Variants in TCEA1 observed in about 807,000 individuals in gnomAD.
The protein encoded by TCEA1 is transcription elongation factor A1.
Under a neutral mutation model 43.8 loss-of-function variants are expected in TCEA1, and 21 were observed. That is an observed-to-expected ratio of 0.48 (90% CI 0.34 to 0.69). The LOEUF (loss-of-function observed/expected upper bound fraction) is 0.69. Ranked by LOEUF, TCEA1 falls within the 30% of genes least tolerant of loss-of-function variation. The pLI, the probability that TCEA1 is intolerant of heterozygous loss-of-function variation, is 0.01. For missense variants in TCEA1, 250 were observed against 365.1 expected, an observed-to-expected ratio of 0.68 and a Z score of 2.57; for synonymous variants, 104 against 117.5, an observed-to-expected ratio of 0.88 and a Z score of 0.75.
chr8:53,982,480 C>T (rs1585998306), intron 7 of TCEA1, among the ~76,000 whole-genome samples: 1 of 151,726 alleles, frequency 6.6e-6, no homozygotes, highest in Non-Finnish European at 1.5e-5. Context: ...TGGTGGCGGG[C>T]GCCTGTAATC....
intron 8 of TCEA1, among the ~76,000 whole-genome samples, 178 bp from the exon 9 acceptor site, chr8:53,970,641 C>T (rs1229519712): frequency 6.6e-6 from 1 of 152,106 alleles, no homozygotes; most frequent in African/African-American, 2.4e-5. Context: ...CACTTCCAAA[C>T]TTCATTTTCC....
At chr8:53,977,359 T>C (rs1055764181) in intron 8 of TCEA1, among the ~76,000 whole-genome samples, 4 of 152,116 alleles carry the variant, frequency 2.6e-5, no homozygotes, top group African/African-American at 7.2e-5. Flanking sequence ...TGTATACACA[T>C]AAAATACCTA....
At chr8:54,013,961 T>C (rs1804739874) in intron 1 of TCEA1, among the ~76,000 whole-genome samples, 1 of 152,134 alleles carries the variant, frequency 6.6e-6, no homozygotes, top group African/African-American at 2.4e-5. Context: ...AAAGGTAAGA[T>C]CTACTCCAGT....
Position 54,012,765 on chromosome 8 carries a change from C to T in TCEA1, c.64-2273G>A, listed in dbSNP as rs114156414. On this transcript the variant is annotated intron_variant, in intron 1 of 9. Coordinates refer to ENST00000521604, the MANE Select transcript of TCEA1 (RefSeq NM_006756.4). ...AGTCTGGACAACACAGCATGACCCC[C>T]TCTCTACAAAAAATAAAGATAAAAA... Among the ~76,000 whole-genome samples, 1,155 of 151,960 alleles carry T rather than the reference C, an allele frequency of 7.6e-3. 15 individuals carry two copies. The highest frequency in any genetic ancestry group is 0.026 in the African/African-American group (1,068 of 41,442).
At chr8:54,002,749 T>C (rs576100787) in intron 2 of TCEA1, 6 of 369,244 alleles carry the variant, frequency 1.6e-5, no homozygotes, top group Non-Finnish European at 2.7e-5. Context: ...TTAGGAATTG[T>C]GGGATTATAA....
intron 5 of TCEA1, 148 bp from the exon 6 acceptor site, chr8:53,987,173 A>C: frequency 1.4e-6 from 1 of 694,888 alleles, no homozygotes; most frequent in Non-Finnish European, 2.5e-6. Context: ...GAATCTGATC[A>C]CTTCACTGCC....
At chr8:54,000,734 C>A (rs1804227802) in intron 2 of TCEA1, among the ~76,000 whole-genome samples, 2 of 151,870 alleles carry the variant, frequency 1.3e-5, no homozygotes, top group African/African-American at 4.8e-5. Flanking sequence ...CAGCATCACA[C>A]CATTACCAAC....
At chr8:54,005,147 T>A (rs1365900412) in intron 2 of TCEA1, among the ~76,000 whole-genome samples, 2 of 152,228 alleles carry the variant, frequency 1.3e-5, no homozygotes, top group Admixed American at 1.3e-4. Flanking sequence ...CCCTTTTTCC[T>A]AGGGGATCTA....
intron 8 of TCEA1, among the ~76,000 whole-genome samples, chr8:53,975,414 T>C (rs1451521437): frequency 6.6e-6 from 1 of 152,156 alleles, no homozygotes; most frequent in Non-Finnish European, 1.5e-5. Context: ...AGAAAGGAAG[T>C]AGAGTCTCAA....
chr8:53,983,064 A>T (rs1000139827), intron 7 of TCEA1, among the ~76,000 whole-genome samples: 15 of 152,164 alleles, frequency 9.9e-5, no homozygotes, highest in African/African-American at 2.9e-4. Flanking sequence ...CCACTACCCT[A>T]ATCAGTCAGC....
At position 53,971,682 on chromosome 8, in the gene TCEA1, T is replaced by C. The variant is rs1361268165; in HGVS notation, c.826-1219A>G. On this transcript the variant is annotated intron_variant, in intron 8 of 9. Transcript: ENST00000521604. ...CATTAACCATAGCACTGCAGAGTAC[T>C]TGAAACGTTTTTATGACCTTTCAGA... is the stretch of plus-strand genomic sequence containing the variant. 4.5e-5 allele frequency: 9 copies of C among 198,404 alleles called. No homozygotes were observed. In the South Asian group the frequency reaches 5.0e-4, roughly 11 times the overall value. 12.3% of individuals were successfully genotyped at this position (198,404 alleles called of 1,614,324 possible).
chr8:54,012,271 A>G (rs1804675393), intron 1 of TCEA1, among the ~76,000 whole-genome samples: 1 of 152,224 alleles, frequency 6.6e-6, no homozygotes, highest in Admixed American at 6.5e-5. Context: ...CTGACTACAG[A>G]AATGTTAAGG....
chr8:54,003,238 T>C (rs1207773991), intron 2 of TCEA1: 6 of 365,464 alleles, frequency 1.6e-5, no homozygotes, highest in Non-Finnish European at 3.2e-5. Context: ...AACAAAATTT[T>C]TAAATCTCAT....
chr8:53,968,272 G>T (rs1326841101), intron 9 of TCEA1, among the ~76,000 whole-genome samples, 160 bp from the exon 10 acceptor site: 1 of 151,806 alleles, frequency 6.6e-6, no homozygotes, highest in African/African-American at 2.4e-5. Context: ...TTAAGTGCCT[G>T]ACTTTCCCAA....
At chr8:54,010,294 T>C in intron 2 of TCEA1, 136 bp downstream of exon 2, 2 of 669,612 alleles carry the variant, frequency 3.0e-6, no homozygotes, top group Non-Finnish European at 5.1e-6. Context: ...TATATTGCCA[T>C]CTTTAAAAAA....
At chr8:53,988,044 ATGGAGT>A in intron 5 of TCEA1, 64 bp downstream of exon 5, 8 of 1,552,374 alleles carry the variant, frequency 5.2e-6, no homozygotes, top group Non-Finnish European at 7.0e-6. Context: ...AAACAGCAAT[ATGGAGT>A]TGGAGATGGC....
intron 2 of TCEA1, among the ~76,000 whole-genome samples, chr8:54,005,234 T>C (rs773384352): frequency 1.3e-5 from 2 of 152,216 alleles, no homozygotes; most frequent in East Asian, 1.9e-4. Context: ...TGTTTACATA[T>C]ATGGCTATTT....
chr8:53,999,243 A>G lies in TCEA1; in HGVS notation c.232+702T>C, dbSNP rs567292564. ...CAGTCTCAAAAAAAAAAAAAAAAAA[A>G]AAAGAAAGAAAACTAGCTATGTGAT... is the stretch of plus-strand genomic sequence containing the variant. On this transcript the variant is annotated intron_variant, in intron 3 of 9. Coordinates refer to ENST00000521604, the MANE Select transcript of TCEA1 (RefSeq NM_006756.4). Among the ~76,000 whole-genome samples, 1,105 of 150,040 alleles carry G rather than the reference A, an allele frequency of 7.4e-3. 13 individuals are homozygous for G. The highest frequency in any genetic ancestry group is 0.021 in the African/African-American group (856 of 40,652).
intron 7 of TCEA1, among the ~76,000 whole-genome samples, chr8:53,984,015 G>A (rs4738544): frequency 0.2 from 29,996 of 152,110 alleles, 4,265 homozygotes; most frequent in East Asian, 0.74. Context: ...CAGGAGAATC[G>A]CTTGAACCCA....
Sources: allele counts gnomAD v4.1 joint callset (sites outside exome capture counted in the v4.1 genomes callset), GRCh38; gene constraint gnomAD v4.1.1; transcripts MANE v1.5; gene names NCBI Gene and HGNC (gene_info 2026-07-23, HGNC 2026-07-21).